ZMYND8: variants seen among roughly 807,000 people sequenced by gnomAD.
The protein encoded by ZMYND8 is MYND-type zinc finger-containing chromatin reader ZMYND8.
A neutral mutation model predicts 140.8 loss-of-function variants in ZMYND8; 37 were observed. The ratio of observed to expected loss-of-function variants is 0.26; its 90% CI spans 0.20 to 0.35. The LOEUF is 0.35. Ranked by LOEUF, ZMYND8 falls within the 10% of genes least tolerant of loss-of-function variation. ZMYND8 has a pLI of 1.00. For synonymous variants in ZMYND8, 592 were observed against 597.1 expected, an observed-to-expected ratio of 0.99 and a Z score of 0.12; for missense variants, 1,068 against 1,570.0, an observed-to-expected ratio of 0.68 and a Z score of 5.40.
intron 2 of ZMYND8, chr20:47,319,101 G>C: frequency 1.6e-6 from 2 of 1,255,898 alleles, no homozygotes; most frequent in Non-Finnish European, 2.1e-6. Context: ...CAGGCTAAGA[G>C]TCACCACTTA....
chr20:47,306,970 C>T (rs1396125354), intron 3 of ZMYND8, among the ~76,000 whole-genome samples: 1 of 152,108 alleles, frequency 6.6e-6, no homozygotes, highest in Non-Finnish European at 1.5e-5. Context: ...TCTAAAGGGG[C>T]AGGCTTGACT....
rs188061040 is a variant in ZMYND8 at position 47,304,356 on chromosome 20, G to T, written c.235-5409C>A. 5.3e-3 allele frequency among the ~76,000 whole-genome samples: 811 copies of T among 152,342 alleles called. 8 individuals are homozygous for T. The highest frequency in any genetic ancestry group is 0.018 in the African/African-American group (767 of 41,568). ...AAGGATAGTAAATACTTGAGGCTTT[G>T]CAGGCCATAAGGCCTCTATCGCAAA... is the stretch of plus-strand genomic sequence containing the variant. On this transcript the variant is annotated intron_variant, in intron 3 of 22. Transcript: ENST00000471951.
chr20:47,243,075 C>T (rs1601185564), intron 14 of ZMYND8, among the ~76,000 whole-genome samples: 2 of 152,162 alleles, frequency 1.3e-5, no homozygotes, highest in East Asian at 1.9e-4. Context: ...GAAAGCACAG[C>T]GAAGAGTCTA....
intron 21 of ZMYND8, among the ~76,000 whole-genome samples, chr20:47,216,829 AAC>A (rs1201432887): frequency 2.6e-5 from 4 of 152,144 alleles, no homozygotes. Context: ...ATAAAAAAAG[AAC>A]ACAGGTCTCT....
intron 13 of ZMYND8, 80 bp downstream of exon 13, chr20:47,249,207 T>C: frequency 6.6e-7 from 1 of 1,504,794 alleles, no homozygotes. Flanking sequence ...GATTCAACCT[T>C]GATTTCATCC....
intron 7 of ZMYND8, among the ~76,000 whole-genome samples, chr20:47,289,714 G>A (rs950828539): frequency 6.6e-6 from 1 of 151,940 alleles, no homozygotes; most frequent in African/African-American, 2.4e-5. Flanking sequence ...AGACACACAA[G>A]AGCACTAACT....
At chr20:47,270,156 T>A (rs1384706210) in intron 11 of ZMYND8, among the ~76,000 whole-genome samples, 1 of 151,102 alleles carries the variant, frequency 6.6e-6, no homozygotes, top group Non-Finnish European at 1.5e-5. Flanking sequence ...GGGGACTGCT[T>A]GAGCCCAAGA....
chr20:47,355,559 T>C (rs1486221124), intron 1 of ZMYND8: 2 of 942,078 alleles, frequency 2.1e-6, no homozygotes, highest in African/African-American at 3.6e-5. Context: ...AGTTACATGG[T>C]ATTATTAAAA....
chr20:47,307,511 G>A (rs567685020), intron 3 of ZMYND8, among the ~76,000 whole-genome samples: 1 of 152,220 alleles, frequency 6.6e-6, no homozygotes, highest in East Asian at 1.9e-4. Context: ...CAGGTACTCA[G>A]GAGGCTGAGG....
rs112962156 is a variant in ZMYND8 at position 47,339,989 on chromosome 20, C to A, written c.85+7867G>T. Reference sequence around the variant, plus strand: ...ACGGAGTCTCACTCTGTCACCCAGGCTGGAGTGCAGGGGCACGATCTCAGC... The same window carrying A: ...ACGGAGTCTCACTCTGTCACCCAGGATGGAGTGCAGGGGCACGATCTCAGC... On this transcript the variant is annotated intron_variant, in intron 2 of 22. Coordinates refer to ENST00000471951, the MANE Select transcript of ZMYND8 (RefSeq NM_001281775.3). 4.6e-5 allele frequency among the ~76,000 whole-genome samples: 7 copies of A among 152,152 alleles called. 1 individual carries two copies. The highest frequency in any genetic ancestry group is 1.7e-4 in the African/African-American group (7 of 41,484).
At chr20:47,356,486 A>G in intron 1 of ZMYND8, 171 bp downstream of exon 1, 1 of 1,589,390 alleles carries the variant, frequency 6.3e-7, no homozygotes, top group East Asian at 2.3e-5. Flanking sequence ...ATGGCTACTG[A>G]GCCATGTGAC....
intron 2 of ZMYND8, among the ~76,000 whole-genome samples, chr20:47,336,587 G>C (rs2081401372): frequency 1.3e-5 from 2 of 152,208 alleles, no homozygotes; most frequent in African/African-American, 4.8e-5. Context: ...TGGCCTTCAA[G>C]GCGCTTGTTC....
intron 14 of ZMYND8, among the ~76,000 whole-genome samples, chr20:47,242,561 A>G (rs2040097218): frequency 1.3e-5 from 2 of 152,160 alleles, no homozygotes; most frequent in Non-Finnish European, 2.9e-5. Context: ...CAAAAAATAT[A>G]CTGTTATTGT....
chr20:47,293,537 C>G (rs1298924992), intron 5 of ZMYND8, among the ~76,000 whole-genome samples: 1 of 152,182 alleles, frequency 6.6e-6, no homozygotes, highest in Admixed American at 6.5e-5. Context: ...ACCAAATTCT[C>G]ACCCTCTACA....
At chr20:47,266,277 G>C (rs545441228) in intron 11 of ZMYND8, among the ~76,000 whole-genome samples, 2 of 141,866 alleles carry the variant, frequency 1.4e-5, no homozygotes, top group South Asian at 2.6e-4. Context: ...TTGTTTTTGG[G>C]GGGGAGGGGG....
chr20:47,234,490 C>G (rs1235121760), intron 16 of ZMYND8, among the ~76,000 whole-genome samples: 1 of 152,206 alleles, frequency 6.6e-6, no homozygotes, highest in African/African-American at 2.4e-5. Context: ...GGATCCTTTC[C>G]CAGTTGAGCC....
intron 13 of ZMYND8, 56 bp from the exon 14 acceptor site, chr20:47,246,573 T>A: frequency 6.6e-7 from 1 of 1,515,118 alleles, no homozygotes; most frequent in Non-Finnish European, 8.8e-7. Flanking sequence ...AAGAGCAGGA[T>A]GAAAAATGCA....
intron 1 of ZMYND8, chr20:47,351,809 T>C (rs926019319): frequency 4.8e-5 from 47 of 985,304 alleles, no homozygotes; most frequent in Non-Finnish European, 5.2e-5. Context: ...GCTAAAATGG[T>C]AGCAGTTTGT....
intron 2 of ZMYND8, among the ~76,000 whole-genome samples, chr20:47,335,909 T>C (rs2081352769): frequency 6.6e-6 from 1 of 152,214 alleles, no homozygotes; most frequent in Admixed American, 6.5e-5. Context: ...AGGAACAATC[T>C]GGTAGTCATC....
Sources: allele counts gnomAD v4.1 joint callset (sites outside exome capture counted in the v4.1 genomes callset), GRCh38; gene constraint gnomAD v4.1.1; transcripts MANE v1.5; gene names NCBI Gene and HGNC (gene_info 2026-07-23, HGNC 2026-07-21).